HADH: variants seen among roughly 807,000 people sequenced by gnomAD.
HADH encodes the protein hydroxyacyl-CoA dehydrogenase.
A neutral mutation model predicts 32.2 loss-of-function variants in HADH; 24 were observed. The ratio of observed to expected loss-of-function variants is 0.75; its 90% CI spans 0.54 to 1.05. The LOEUF (loss-of-function observed/expected upper bound fraction) is 1.05. Ranked by LOEUF, HADH falls within the 50% of genes least tolerant of loss-of-function variation. HADH has a pLI of 0.00. For synonymous variants in HADH, 139 were observed against 152.5 expected (o/e 0.91, Z 0.65); for missense variants, 350 against 397.1 (o/e 0.88, Z 1.01).
At chr4:108,004,814 TG>T in intron 1 of HADH, 14 of 1,535,894 alleles carry the variant, frequency 9.1e-6, no homozygotes, top group Non-Finnish European at 1.2e-5. Flanking sequence ...CTTCAAGACC[TG>T]GGTGTCTGCT....
chr4:107,995,234 A>G (rs1194773412), intron 1 of HADH, among the ~76,000 whole-genome samples: 3 of 152,168 alleles, frequency 2.0e-5, no homozygotes, highest in Non-Finnish European at 4.4e-5. Context: ...TTTAGATGCT[A>G]GCCTTCCTAT....
At chr4:108,033,028 G>A in intron 6 of HADH, 148 bp from the exon 7 acceptor site, 1 of 730,942 alleles carries the variant, frequency 1.4e-6, no homozygotes, top group South Asian at 1.5e-5. Flanking sequence ...CTTTAGAGAG[G>A]AAATCTTACC....
chr4:108,030,520 A>G (rs1737784951), intron 6 of HADH: 1 of 152,492 alleles, frequency 6.6e-6, no homozygotes, highest in Admixed American at 6.5e-5. Flanking sequence ...TGTTCATGCT[A>G]AGAATGGTTG....
intron 5 of HADH, chr4:108,026,145 G>A (rs1183051014): frequency 2.0e-5 from 3 of 152,100 alleles, no homozygotes; most frequent in African/African-American, 7.2e-5. Flanking sequence ...GGGTTCAAGC[G>A]ATTCTCCTGC....
chr4:108,029,545 C>T (rs922895484), intron 6 of HADH: 6 of 152,322 alleles, frequency 3.9e-5, no homozygotes, highest in African/African-American at 1.2e-4. Context: ...GGCAGGAGCT[C>T]TGTGACTGTT....
At chr4:108,031,848 A>G (rs899391642) in intron 6 of HADH, 9 of 150,412 alleles carry the variant, frequency 6.0e-5, no homozygotes, top group African/African-American at 1.7e-4. Flanking sequence ...TAGAAGTTGA[A>G]TGAATGAATG....
rs1015138589 is a variant in HADH at position 107,991,623 on chromosome 4, TC to T, written c.132+1563del. On this transcript the variant is annotated intron_variant, in intron 1 of 7. Coordinates refer to ENST00000309522, the MANE Select transcript of HADH (RefSeq NM_005327.7). ...ATCCCCTGGCTGCTAGGTTATAGTA[TC>T]CCCATAATCTATGTTGTATGTGGAC... Among the ~76,000 whole-genome samples, 8 of 152,016 alleles carry T rather than the reference TC, an allele frequency of 5.3e-5. No individual in the cohort carries two copies. In the South Asian group the frequency reaches 8.3e-4, roughly 16 times the overall value.
intron 1 of HADH, among the ~76,000 whole-genome samples, chr4:107,999,970 T>C (rs1006013322): frequency 5.3e-5 from 8 of 152,220 alleles, no homozygotes; most frequent in Non-Finnish European, 1.2e-4. Context: ...AAAAAGCTTA[T>C]GTTAAAAGAT....
rs746680125 is a variant in HADH, at chr4:108,033,181, G to T, written c.715G>T (p.Ala239Ser). ...TGCTGCCGTTTTCTCCTTAGGTGAC[G>T]CATCCAAAGAAGACATTGACACTGC... ...EAIRLYERGD[A>S]SKEDIDTAMK... Residue 239 changes from alanine (A) to serine (S), a missense_variant, in exon 7 of 8, where the codon GCA (alanine) becomes TCA (serine). Transcript: ENST00000309522. 5.1e-6 allele frequency: 8 copies of T among 1,558,858 alleles called. No homozygotes were observed. In the African/African-American group the frequency reaches 9.5e-5, roughly 18 times the overall value.
chr4:107,995,716 A>G (rs1242372875), intron 1 of HADH, among the ~76,000 whole-genome samples: 1 of 152,144 alleles, frequency 6.6e-6, no homozygotes, highest in African/African-American at 2.4e-5. Flanking sequence ...CTGGGGTTAG[A>G]ACTTGAGTTC....
intron 6 of HADH, 55 bp from the exon 7 acceptor site, chr4:108,033,121 T>C: frequency 2.3e-6 from 2 of 851,624 alleles, no homozygotes; most frequent in East Asian, 2.4e-5. Context: ...AATCCTGTGA[T>C]AGGGAGAATT....
rs781319494 is a variant in HADH at position 107,990,004 on chromosome 4, G to A, written c.72G>A (p.Lys24=). Residue 24 remains lysine, a synonymous_variant, in exon 1 of 8, where the codon AAG becomes AAA. Coordinates refer to ENST00000309522, the MANE Select transcript of HADH (RefSeq NM_005327.7). ...CCACCGCCTCGGCCTCGGCCAAGAA[G>A]ATAATCGTCAAGCACGTGACGGTCA... ...SSSTASASAK[K]IIVKHVTVIG... is the part of the protein sequence containing the mutation. 1.4e-5 allele frequency: 23 copies of A among 1,612,424 alleles called. No homozygotes were observed. The East Asian group carries it at 4.9e-4, about 34-fold the overall frequency.
intron 6 of HADH, chr4:108,029,009 G>C (rs995942843): frequency 7.5e-6 from 3 of 397,836 alleles, no homozygotes; most frequent in Non-Finnish European, 8.9e-6. Flanking sequence ...AGCTTGCTCT[G>C]GGCATGGGCT....
chr4:108,006,913 G>A (rs13107797), intron 1 of HADH, among the ~76,000 whole-genome samples: 131,826 of 152,062 alleles, frequency 0.87, 58,018 homozygotes, highest in East Asian at 0.97. Context: ...GGGGCCTTAG[G>A]CACATTATTT....
chr4:108,028,139 G>T lies in HADH; in HGVS notation c.709+379G>T. 3 of 291,040 alleles carry T rather than the reference G, an allele frequency of 1.0e-5. No individual in the cohort carries two copies. The East Asian group carries it at 2.3e-4, about 22-fold the overall frequency. The allele number at this position is 291,040 out of a possible 1,614,324, so 18.0% of individuals were successfully genotyped here. On this transcript the variant is annotated intron_variant, in intron 6 of 7. Coordinates refer to ENST00000309522, the MANE Select transcript of HADH (RefSeq NM_005327.7). Reference sequence around the variant, plus strand: ...TAGGAGATCTTGAAAGTTCCTTAAGGTTCTAAAACTTGTGACTGACAGGTG... The same window carrying T: ...TAGGAGATCTTGAAAGTTCCTTAAGTTTCTAAAACTTGTGACTGACAGGTG...
Position 108,033,276 on chromosome 4 carries a change from G to A in HADH, c.810G>A (p.Thr270=), listed in dbSNP as rs751161880. 4.5e-6 allele frequency: 7 copies of A among 1,546,684 alleles called. No homozygotes were observed. The East Asian group carries it at 6.7e-5, about 15-fold the overall frequency. ...ELLDYVGLDT[T]KFIVDGWHEM... is the part of the protein sequence containing the mutation. ...TAGATTATGTCGGACTGGATACTAC[G>A]AAGTTCATCGTGGATGGTAGGAATT... Residue 270 remains threonine (T), a synonymous_variant, in exon 7 of 8, where the codon ACG becomes ACA. Coordinates refer to ENST00000309522, the MANE Select transcript of HADH (RefSeq NM_005327.7).
intron 4 of HADH, 67 bp from the exon 5 acceptor site, chr4:108,023,407 C>A: frequency 1.1e-6 from 1 of 916,412 alleles, no homozygotes; most frequent in Non-Finnish European, 1.8e-6. Flanking sequence ...ATCAATCATT[C>A]CTTGAACCAT....
intron 4 of HADH, among the ~76,000 whole-genome samples, chr4:108,021,588 T>C (rs1735887151): frequency 6.6e-6 from 1 of 152,232 alleles, no homozygotes; most frequent in Non-Finnish European, 1.5e-5. Context: ...CTGTACAAAT[T>C]ACTGTTCGTT....
At chr4:108,028,637 T>C (rs1413347660) in intron 6 of HADH, 1 of 386,108 alleles carries the variant, frequency 2.6e-6, no homozygotes, top group African/African-American at 2.1e-5. Context: ...TTGCCTCACT[T>C]TTGCTCCAAG....
Sources: gnomAD v4.1 joint callset for allele counts (sites outside exome capture counted in the v4.1 genomes callset) on GRCh38, gnomAD v4.1.1 for gene constraint, MANE v1.5 for transcripts, NCBI Gene and HGNC (gene_info 2026-07-23, HGNC 2026-07-21) for gene names.